Variants in KCNB2 observed in about 807,000 individuals in gnomAD.
The protein encoded by KCNB2 is delayed rectifier potassium channel protein.
In KCNB2, 15 loss-of-function variants were observed where a neutral mutation model predicts 61.5. The observed-to-expected ratio is 0.24, with a 90% CI of 0.16 to 0.38. The LOEUF (loss-of-function observed/expected upper bound fraction) is 0.38. KCNB2 is among the 10% of genes least tolerant of loss of function. KCNB2 has a pLI of 1.00. For synonymous variants in KCNB2, 457 were observed against 446.0 expected, an observed-to-expected ratio of 1.02 and a Z score of -0.31; for missense variants, 828 against 1,125.2, an observed-to-expected ratio of 0.74 and a Z score of 3.78.
intron 2 of KCNB2, among the ~76,000 whole-genome samples, chr8:72,681,757 G>A (rs1052678257): frequency 5.3e-5 from 8 of 152,098 alleles, no homozygotes; most frequent in African/African-American, 1.4e-4. Context: ...ATCACCACAA[G>A]CACGTGAATA....
Position 72,567,942 on chromosome 8 carries a change from C to T in KCNB2, c.208C>T (p.His70Tyr), listed in dbSNP as rs769772986. ...RLGKLRDCNTHESLLEVCDDY... is the reference protein window; with the variant it reads ...RLGKLRDCNTYESLLEVCDDY... The stretch of plus-strand genomic sequence containing the variant: ...GGGGAAGCTTCGAGACTGCAACACA[C>T]ACGAGAGCCTCCTGGAAGTGTGCGA... The change falls in exon 2 of 3, where the codon CAC becomes TAC. Residue 70 changes from histidine (H) to tyrosine (Y), a missense_variant. This residue lies in a region of KCNB2 where 163 missense variants were observed against 314.4 expected (regional missense o/e 0.52). Coordinates refer to ENST00000523207, the MANE Select transcript of KCNB2 (RefSeq NM_004770.3). 2.2e-5 allele frequency: 36 copies of T among 1,613,728 alleles called. No individual in the cohort carries two copies. Among genetic ancestry groups the T allele is most frequent in the Non-Finnish European group, 3.0e-5 (35 of 1,179,868 alleles).
Position 72,666,980 on chromosome 8 carries a change from C to T in KCNB2, c.579+98667C>T, listed in dbSNP as rs570539792. On this transcript the variant is annotated intron_variant, in intron 2 of 2. Coordinates refer to ENST00000523207, the MANE Select transcript of KCNB2 (RefSeq NM_004770.3). ...GGATGTTCAGATTCTGTTTTTTCCA[C>T]ATAAGTGTGTGTGTGTGTGTGTGTG... 1.2e-4 allele frequency among the ~76,000 whole-genome samples: 17 copies of T among 136,484 alleles called. No homozygotes were observed. In the East Asian group the frequency reaches 4.5e-3, roughly 36 times the overall value. 89.5% of individuals were successfully genotyped at this position (136,484 alleles called of 152,430 possible). A position where few individuals can be genotyped will look rare whatever the true frequency, so the allele number is the denominator to read the frequency against.
intron 2 of KCNB2, among the ~76,000 whole-genome samples, chr8:72,800,712 A>T (rs1585900888): frequency 6.6e-6 from 1 of 152,104 alleles, no homozygotes; most frequent in South Asian, 2.1e-4. Flanking sequence ...TGTCCCCCAG[A>T]CCCTCAAGGG....
At chr8:72,547,506 T>C (rs1806276589) in intron 1 of KCNB2, among the ~76,000 whole-genome samples, 1 of 152,134 alleles carries the variant, frequency 6.6e-6, no homozygotes, top group Non-Finnish European at 1.5e-5. Flanking sequence ...ATATCAACAT[T>C]AACAGGAATT....
intron 1 of KCNB2, among the ~76,000 whole-genome samples, chr8:72,551,710 C>A (rs1806347166): frequency 6.6e-6 from 1 of 152,102 alleles, no homozygotes; most frequent in East Asian, 1.9e-4. Flanking sequence ...TACCCCAAAT[C>A]TAACTTTAAA....
intron 2 of KCNB2, among the ~76,000 whole-genome samples, chr8:72,688,485 C>T (rs1377172757): frequency 6.6e-6 from 1 of 152,034 alleles, no homozygotes; most frequent in Non-Finnish European, 1.5e-5. Flanking sequence ...CAACAATACC[C>T]TACACCTGCC....
intron 2 of KCNB2, among the ~76,000 whole-genome samples, chr8:72,592,655 A>C (rs529335351): frequency 1.3e-5 from 2 of 152,140 alleles, no homozygotes; most frequent in Non-Finnish European, 2.9e-5. Context: ...TGCAATTTAC[A>C]CATTTCCTTT....
At chr8:72,730,097 C>G (rs1456090954) in intron 2 of KCNB2, among the ~76,000 whole-genome samples, 1 of 151,964 alleles carries the variant, frequency 6.6e-6, no homozygotes, top group East Asian at 1.9e-4. Context: ...AGACATCATC[C>G]CACATAGGAA....
intron 2 of KCNB2, among the ~76,000 whole-genome samples, chr8:72,831,375 C>T (rs1463580500): frequency 6.6e-6 from 1 of 152,106 alleles, no homozygotes; most frequent in African/African-American, 2.4e-5. Flanking sequence ...ACGATCAAAG[C>T]AAGTTTTAAA....
At chr8:72,804,226 G>A (rs982588717) in intron 2 of KCNB2, among the ~76,000 whole-genome samples, 1 of 152,128 alleles carries the variant, frequency 6.6e-6, no homozygotes, top group African/African-American at 2.4e-5. Flanking sequence ...ACAAAATAAG[G>A]AAGCTTCTTC....
At chr8:72,582,793 ATTT>A (rs1042622609) in intron 2 of KCNB2, among the ~76,000 whole-genome samples, 1 of 151,734 alleles carries the variant, frequency 6.6e-6, no homozygotes, top group Non-Finnish European at 1.5e-5. Flanking sequence ...TTAAAAAATT[ATTT>A]TTTTTGTAGA....
intron 2 of KCNB2, among the ~76,000 whole-genome samples, chr8:72,676,633 AG>A (rs1244966105): frequency 6.6e-6 from 1 of 151,970 alleles, no homozygotes; most frequent in African/African-American, 2.4e-5. Context: ...TTAGTGGATT[AG>A]AACAAGAATC....
chr8:72,539,089 C>G (rs1806155587), intron 1 of KCNB2, among the ~76,000 whole-genome samples: 1 of 145,074 alleles, frequency 6.9e-6, no homozygotes, highest in East Asian at 2.0e-4. Context: ...GTGTGTGTGT[C>G]AATAAATATA....
chr8:72,686,264 G>C (rs1267812240), intron 2 of KCNB2, among the ~76,000 whole-genome samples: 1 of 152,174 alleles, frequency 6.6e-6, no homozygotes, highest in Non-Finnish European at 1.5e-5. Context: ...GCTTGTTGGA[G>C]TGTAGCCTGG....
chr8:72,657,709 GA>G (rs1178908141), intron 2 of KCNB2, among the ~76,000 whole-genome samples: 2 of 152,046 alleles, frequency 1.3e-5, no homozygotes, highest in African/African-American at 2.4e-5. Context: ...TGGAAAAGAA[GA>G]AAAAAAGTTT....
intron 2 of KCNB2, among the ~76,000 whole-genome samples, chr8:72,607,274 T>C (rs1220917305): frequency 6.6e-6 from 1 of 151,966 alleles, no homozygotes; most frequent in Non-Finnish European, 1.5e-5. Flanking sequence ...ATGGGGCCAG[T>C]GGAGAGGCAC....
At chr8:72,678,448 C>T (rs2256824) in intron 2 of KCNB2, among the ~76,000 whole-genome samples, 38,823 of 151,966 alleles carry the variant, frequency 0.26, 8,605 homozygotes, top group African/African-American at 0.6. Context: ...CTCTTTGCTT[C>T]CTCCCCACCC....
At chr8:72,701,110 A>C (rs1289349071) in intron 2 of KCNB2, among the ~76,000 whole-genome samples, 4 of 152,134 alleles carry the variant, frequency 2.6e-5, no homozygotes, top group African/African-American at 9.7e-5. Context: ...TTGAAAAACT[A>C]ACTGTTGGGT....
intron 2 of KCNB2, among the ~76,000 whole-genome samples, chr8:72,869,576 A>G (rs1394347789): frequency 1.8e-5 from 2 of 108,184 alleles, no homozygotes; most frequent in Non-Finnish European, 5.0e-5. Context: ...AAGACACACA[A>G]ATGGCCAACA....
Sources: allele counts gnomAD v4.1 joint callset (sites outside exome capture counted in the v4.1 genomes callset), GRCh38; gene constraint gnomAD v4.1.1; regional missense constraint gnomAD v4.1.1; transcripts MANE v1.5; gene names NCBI Gene and HGNC (gene_info 2026-07-23, HGNC 2026-07-21).